The following LGSN variants were observed in gnomAD, a reference collection of about 807,000 sequenced individuals.
The protein encoded by LGSN is lengsin, lens protein with glutamine synthetase domain.
A neutral mutation model predicts 19.5 loss-of-function variants in LGSN; 21 were observed. The ratio of observed to expected loss-of-function variants is 1.07; its 90% CI spans 0.76 to 1.55. The LOEUF (loss-of-function observed/expected upper bound fraction) is 1.55, where lower values mean the gene tolerates loss of function less well. Ranked by LOEUF, LGSN falls within the 40% of genes most tolerant of loss-of-function variation. The probability of loss-of-function intolerance (pLI) is 0.00; values close to 1 mark genes in which losing one functional copy is unlikely to be tolerated. For missense variants in LGSN, 673 were observed against 608.5 expected, an observed-to-expected ratio of 1.11 and a Z score of -1.12; for synonymous variants, 257 against 215.6, an observed-to-expected ratio of 1.19 and a Z score of -1.68.
the LGSN span, among the ~76,000 whole-genome samples, chr6:63,522,303 A>G: frequency 1.3e-5 from 2 of 152,218 alleles, no homozygotes; most frequent in African/African-American, 2.4e-5. Context: ...AGTTATAAAG[A>G]TAAGATGTCC....
At chr6:63,404,876 A>G in the LGSN span, among the ~76,000 whole-genome samples, 1 of 151,972 alleles carries the variant, frequency 6.6e-6, no homozygotes, top group African/African-American at 2.4e-5. Context: ...ACATATGTAT[A>G]CATGTGCCAT....
chr6:63,373,095 A>G, the LGSN span, among the ~76,000 whole-genome samples: 1 of 152,194 alleles, frequency 6.6e-6, no homozygotes, highest in Non-Finnish European at 1.5e-5. Flanking sequence ...GTGCTACTTG[A>G]GACTATGTAA....
the LGSN span, among the ~76,000 whole-genome samples, chr6:63,463,009 C>T: frequency 6.6e-6 from 1 of 152,120 alleles, no homozygotes; most frequent in Non-Finnish European, 1.5e-5. Flanking sequence ...ATTTGGAAAA[C>T]ATTACTGTAA....
At chr6:63,492,053 G>T in the LGSN span, among the ~76,000 whole-genome samples, 553 of 151,482 alleles carry the variant, frequency 3.7e-3, 5 homozygotes, top group African/African-American at 0.013. Flanking sequence ...AAAAATTAAC[G>T]TATGTTTTAC....
the LGSN span, among the ~76,000 whole-genome samples, chr6:63,565,316 C>T: frequency 6.6e-6 from 1 of 152,004 alleles, no homozygotes; most frequent in African/African-American, 2.4e-5. Context: ...TACACATTCT[C>T]ATTTGATTTG....
At chr6:63,521,845 A>G in the LGSN span, 1 of 152,202 alleles carries the variant, frequency 6.6e-6, no homozygotes, top group Admixed American at 6.5e-5. Flanking sequence ...AACTTAATCT[A>G]CTTGTATATT....
chr6:63,374,924 T>C, the LGSN span, among the ~76,000 whole-genome samples: 1 of 151,972 alleles, frequency 6.6e-6, no homozygotes, highest in African/African-American at 2.4e-5. Flanking sequence ...TAAAAGGAAA[T>C]TGTGACTGGA....
intron 2 of LGSN, among the ~76,000 whole-genome samples, chr6:63,286,412 C>T (rs746306376): frequency 1.3e-5 from 2 of 151,988 alleles, no homozygotes; most frequent in African/African-American, 2.4e-5. Flanking sequence ...AAATTAGAAA[C>T]ATAAAAAACA....
chr6:63,562,391 G>A, the LGSN span, among the ~76,000 whole-genome samples: 24 of 151,758 alleles, frequency 1.6e-4, no homozygotes, highest in Non-Finnish European at 3.1e-4. Flanking sequence ...TAGAGACAGC[G>A]TTTCTCCATG....
the LGSN span, among the ~76,000 whole-genome samples, chr6:63,435,601 T>G: frequency 2.6e-5 from 4 of 151,582 alleles, no homozygotes; most frequent in Non-Finnish European, 5.9e-5. Context: ...ACTTCTCTGC[T>G]TAAAAATATC....
the LGSN span, among the ~76,000 whole-genome samples, chr6:63,392,868 C>T: frequency 6.7e-6 from 1 of 150,166 alleles, no homozygotes; most frequent in East Asian, 1.9e-4. Context: ...GATGGTGGCT[C>T]CATCTTCTTC....
chr6:63,467,038 CAT>C, the LGSN span, among the ~76,000 whole-genome samples: 1 of 152,096 alleles, frequency 6.6e-6, no homozygotes, highest in East Asian at 1.9e-4. Flanking sequence ...AGTAAGTTGA[CAT>C]AGAAAAAAAT....
the LGSN span, among the ~76,000 whole-genome samples, chr6:63,339,274 T>C: frequency 6.6e-6 from 1 of 152,200 alleles, no homozygotes; most frequent in Non-Finnish European, 1.5e-5. Flanking sequence ...AATGGGATAT[T>C]GAAGTTCCTA....
chr6:63,509,292 T>C, the LGSN span, among the ~76,000 whole-genome samples: 1 of 152,058 alleles, frequency 6.6e-6, no homozygotes, highest in African/African-American at 2.4e-5. Context: ...CTCGAACTCC[T>C]GACCTCAGGT....
the LGSN span, among the ~76,000 whole-genome samples, chr6:63,420,157 C>G: frequency 2.0e-5 from 3 of 151,002 alleles, no homozygotes; most frequent in African/African-American, 7.3e-5. Flanking sequence ...GAGCCGAGAT[C>G]GCACCACTGC....
the LGSN span, among the ~76,000 whole-genome samples, chr6:63,515,014 G>T: frequency 2.6e-5 from 4 of 151,926 alleles, no homozygotes; most frequent in African/African-American, 9.7e-5. Flanking sequence ...TTGCTTGTTT[G>T]TTTTTTGAGA....
the LGSN span, among the ~76,000 whole-genome samples, chr6:63,559,719 T>C: frequency 6.6e-6 from 1 of 151,572 alleles, no homozygotes; most frequent in Non-Finnish European, 1.5e-5. Flanking sequence ...CACTCCAGCC[T>C]GGGTGACAGA....
Position 63,295,025 on chromosome 6 carries a change from G to C in LGSN, c.51C>G (p.Gly17=). ...LLQEDSTRDE[G]NETEANSMNT... ...TCATGCTGTTGGCTTCAGTCTCATT[G>C]CCTTCATCTCTTGTTGAGTCCTGTT... Residue 17 remains glycine, a synonymous_variant, in exon 2 of 4, where the codon GGC becomes GGG. Transcript: ENST00000370657. 1 of 1,613,354 alleles carries C rather than the reference G, an allele frequency of 6.2e-7. No individual in the cohort carries two copies. Among genetic ancestry groups the C allele is most frequent in the South Asian group, 1.1e-5 (1 of 91,070 alleles).
the LGSN span, among the ~76,000 whole-genome samples, chr6:63,486,820 TTTATTA>T: frequency 0.07 from 10,292 of 146,146 alleles, 1,201 homozygotes; most frequent in African/African-American, 0.24. Context: ...GTATGTTTAT[TTTATTA>T]TTATTATTAT....
Sources: allele counts gnomAD v4.1 joint callset (sites outside exome capture counted in the v4.1 genomes callset), GRCh38; gene constraint gnomAD v4.1.1; transcripts MANE v1.5; gene names NCBI Gene and HGNC (gene_info 2026-07-23, HGNC 2026-07-21).